NEGR1: variants seen among roughly 807,000 people sequenced by gnomAD.
NEGR1 encodes the protein IgLON family member 4.
Under a neutral mutation model 40.9 loss-of-function variants are expected in NEGR1, and 10 were observed. That is an observed-to-expected ratio of 0.24 (90% confidence interval 0.15 to 0.42). The LOEUF is 0.42. Ranked by LOEUF, NEGR1 falls within the 10% of genes least tolerant of loss-of-function variation. The pLI is 1.00. For synonymous variants in NEGR1, 185 were observed against 166.8 expected, an observed-to-expected ratio of 1.11 and a Z score of -0.84; for missense variants, 352 against 438.9, an observed-to-expected ratio of 0.80 and a Z score of 1.77.
At chr1:71,566,948 T>C (rs2101487627) in intron 6 of NEGR1, among the ~76,000 whole-genome samples, 1 of 152,098 alleles carries the variant, frequency 6.6e-6, no homozygotes, top group South Asian at 2.1e-4. Flanking sequence ...TTTGTAAGAG[T>C]ACTAATCCTT....
chr1:72,143,049 G>A (rs1650745963), intron 1 of NEGR1, among the ~76,000 whole-genome samples: 1 of 151,844 alleles, frequency 6.6e-6, no homozygotes, highest in South Asian at 2.1e-4. Flanking sequence ...AAATTTGTGA[G>A]CAATACTGTT....
chr1:72,234,737 T>A (rs1570156136), intron 1 of NEGR1, among the ~76,000 whole-genome samples: 1 of 152,072 alleles, frequency 6.6e-6, no homozygotes, highest in South Asian at 2.1e-4. Context: ...CACAATGAGA[T>A]ACCATCTCAC....
Position 71,884,381 on chromosome 1 carries a change from A to C in NEGR1, c.409+50698T>G, listed in dbSNP as rs576705467. 3.9e-5 allele frequency among the ~76,000 whole-genome samples: 6 copies of C among 152,328 alleles called. No homozygotes were observed. The South Asian group carries it at 1.2e-3, about 32-fold the overall frequency. On this transcript the variant is annotated intron_variant, in intron 2 of 6. Coordinates refer to ENST00000357731, the MANE Select transcript of NEGR1 (RefSeq NM_173808.3). ...ATACACACAGACTCATCCACAGTCT[A>C]AATTCATTCCTTAATTATCACTGTA...
intron 3 of NEGR1, among the ~76,000 whole-genome samples, chr1:71,750,311 C>A (rs12023733): frequency 0.072 from 10,999 of 152,128 alleles, 497 homozygotes; most frequent in East Asian, 0.13. Context: ...TTCTTTTGGA[C>A]GATAAGCCAC....
At chr1:72,210,785 A>G (rs1653575318) in intron 1 of NEGR1, among the ~76,000 whole-genome samples, 1 of 151,908 alleles carries the variant, frequency 6.6e-6, no homozygotes, top group South Asian at 2.1e-4. Flanking sequence ...TACATGGTGA[A>G]AGATGTATTC....
intron 2 of NEGR1, among the ~76,000 whole-genome samples, chr1:71,932,030 A>G (rs1423078942): frequency 6.6e-6 from 1 of 152,056 alleles, no homozygotes; most frequent in Non-Finnish European, 1.5e-5. Context: ...GTCAGTTTCA[A>G]CCCTTTTAAA....
intron 4 of NEGR1, among the ~76,000 whole-genome samples, chr1:71,659,055 C>A (rs993579293): frequency 6.6e-5 from 10 of 152,114 alleles, no homozygotes; most frequent in Non-Finnish European, 1.3e-4. Flanking sequence ...CATGGAAAGA[C>A]CATTGGGTTG....
At chr1:72,152,239 T>C (rs2100357266) in intron 1 of NEGR1, among the ~76,000 whole-genome samples, 1 of 151,972 alleles carries the variant, frequency 6.6e-6, no homozygotes, top group African/African-American at 2.4e-5. Context: ...ATTCAAAAAT[T>C]AAAATAGTAA....
intron 2 of NEGR1, among the ~76,000 whole-genome samples, chr1:71,864,144 G>A (rs1660042730): frequency 6.6e-6 from 1 of 152,136 alleles, no homozygotes; most frequent in East Asian, 1.9e-4. Flanking sequence ...ATGGTTGTCA[G>A]GGGGCCGTCT....
intron 2 of NEGR1, among the ~76,000 whole-genome samples, chr1:71,898,367 G>C (rs1342255618): frequency 6.6e-6 from 1 of 152,114 alleles, no homozygotes; most frequent in Non-Finnish European, 1.5e-5. Context: ...TGTAATCCCA[G>C]CACTTTGGGA....
At chr1:71,553,434 G>A (rs760232812) in intron 6 of NEGR1, among the ~76,000 whole-genome samples, 6 of 151,456 alleles carry the variant, frequency 4.0e-5, no homozygotes, top group South Asian at 2.1e-4. Flanking sequence ...TATCTTCCCC[G>A]TCTGTGGCTT....
At chr1:72,022,260 CATATATATATATAT>C (rs59160727) in intron 1 of NEGR1, among the ~76,000 whole-genome samples, 19,178 of 111,562 alleles carry the variant, frequency 0.17, 1,743 homozygotes, top group South Asian at 0.35. Context: ...AAACAATTTT[CATATATATATATAT>C]ATATATATAT....
chr1:71,894,764 G>A (rs184658120), intron 2 of NEGR1, among the ~76,000 whole-genome samples: 168 of 152,194 alleles, frequency 1.1e-3, no homozygotes, highest in Middle Eastern at 3.4e-3. Flanking sequence ...GAGAGAGCTG[G>A]GCACGTGGTG....
At chr1:72,195,267 T>C (rs1354437291) in intron 1 of NEGR1, among the ~76,000 whole-genome samples, 1 of 152,064 alleles carries the variant, frequency 6.6e-6, no homozygotes, top group Non-Finnish European at 1.5e-5. Flanking sequence ...TGTTTATTAC[T>C]TTCCTAATAG....
intron 6 of NEGR1, among the ~76,000 whole-genome samples, chr1:71,485,093 G>A (rs1279445112): frequency 6.6e-6 from 1 of 151,570 alleles, no homozygotes; most frequent in African/African-American, 2.4e-5. Flanking sequence ...CAAGCTTGAG[G>A]GTATTCCCAT....
intron 1 of NEGR1, among the ~76,000 whole-genome samples, chr1:71,986,697 T>A (rs1398855453): frequency 1.3e-5 from 2 of 152,346 alleles, no homozygotes; most frequent in South Asian, 4.1e-4. Flanking sequence ...GGGCCACCCA[T>A]AATAAGGTAG....
intron 1 of NEGR1, among the ~76,000 whole-genome samples, chr1:72,208,150 T>C (rs1038550425): frequency 6.6e-6 from 1 of 151,630 alleles, no homozygotes; most frequent in Non-Finnish European, 1.5e-5. Context: ...AGTAATAGAA[T>C]AGAATGAATA....
chr1:71,936,493 G>C (rs1487204268), intron 1 of NEGR1, among the ~76,000 whole-genome samples: 1 of 152,128 alleles, frequency 6.6e-6, no homozygotes, highest in East Asian at 1.9e-4. Context: ...TTGACTCAGG[G>C]CGTTGAAGGC....
chr1:72,267,887 G>C lies in NEGR1; in HGVS notation c.176+14432C>G, dbSNP rs143105190. Among the ~76,000 whole-genome samples, 8 of 151,270 alleles carry C rather than the reference G, an allele frequency of 5.3e-5. No homozygotes were observed. The East Asian group carries it at 1.6e-3, about 29-fold the overall frequency. On this transcript the variant is annotated intron_variant, in intron 1 of 6. Transcript: ENST00000357731. ...ATGATGAAGAAAATAAACCTTCATA[G>C]ACTTTCAGAATATGTCAAAAACTGA... is the stretch of plus-strand genomic sequence containing the variant.
Sources: gnomAD v4.1 joint callset for allele counts (sites outside exome capture counted in the v4.1 genomes callset) on GRCh38, gnomAD v4.1.1 for gene constraint, MANE v1.5 for transcripts, NCBI Gene and HGNC (gene_info 2026-07-23, HGNC 2026-07-21) for gene names.